LHFPL3: variants seen among roughly 807,000 people sequenced by gnomAD.
LHFPL3 encodes the protein LHFPL tetraspan subfamily member 3, also known as LHFPL tetraspan subfamily member 3 protein.
In LHFPL3, 5 loss-of-function variants were observed where a neutral mutation model predicts 19.3. The observed-to-expected ratio is 0.26, with a 90% CI of 0.14 to 0.54. The LOEUF is 0.54. Among genes scored for constraint, LHFPL3 ranks in the 20% least tolerant of loss-of-function variants. The pLI is 0.94. For missense variants in LHFPL3, 249 were observed against 307.4 expected (o/e 0.81, Z 1.42); for synonymous variants, 133 against 126.2 (o/e 1.05, Z -0.36).
chr7:104,390,738 A>G (rs1791049144), intron 1 of LHFPL3, among the ~76,000 whole-genome samples: 1 of 152,214 alleles, frequency 6.6e-6, no homozygotes, highest in South Asian at 2.1e-4. Flanking sequence ...TTCTAGTTCT[A>G]GATCCTTGAG....
At chr7:104,406,730 G>A (rs1004366023) in intron 1 of LHFPL3, among the ~76,000 whole-genome samples, 2 of 152,220 alleles carry the variant, frequency 1.3e-5, no homozygotes, top group Non-Finnish European at 2.9e-5. Flanking sequence ...GTGATTGACA[G>A]GGAAATGCAA....
At chr7:104,586,242 A>T (rs1790573606) in intron 1 of LHFPL3, among the ~76,000 whole-genome samples, 3 of 152,112 alleles carry the variant, frequency 2.0e-5, no homozygotes, top group Non-Finnish European at 1.5e-5. Flanking sequence ...GGAGTAAGAG[A>T]AAGAGGAGTT....
intron 2 of LHFPL3, among the ~76,000 whole-genome samples, chr7:104,868,059 G>C (rs1440522460): frequency 6.6e-6 from 1 of 152,086 alleles, no homozygotes; most frequent in Non-Finnish European, 1.5e-5. Flanking sequence ...CAATAAATTA[G>C]GTATTGATGG....
At chr7:104,820,606 C>G (rs537215425) in intron 2 of LHFPL3, among the ~76,000 whole-genome samples, 2 of 152,154 alleles carry the variant, frequency 1.3e-5, no homozygotes, top group African/African-American at 2.4e-5. Flanking sequence ...AGAGGCCCAC[C>G]ATGTACATAA....
At chr7:104,329,476 C>T (rs1036850955) in intron 1 of LHFPL3, among the ~76,000 whole-genome samples, 1 of 152,248 alleles carries the variant, frequency 6.6e-6, no homozygotes, top group African/African-American at 2.4e-5. Context: ...CTCAGAGGGA[C>T]GCCCCGGAGG....
At chr7:104,717,891 G>C (rs1793419259) in intron 1 of LHFPL3, among the ~76,000 whole-genome samples, 1 of 152,106 alleles carries the variant, frequency 6.6e-6, no homozygotes, top group Admixed American at 6.5e-5. Context: ...AACCAAGGTA[G>C]AGAAACCTAC....
intron 2 of LHFPL3, chr7:104,738,722 C>T (rs1267645956): frequency 6.6e-6 from 1 of 152,152 alleles, no homozygotes; most frequent in Non-Finnish European, 1.5e-5. Flanking sequence ...GAATAATGCT[C>T]AACAGTTTTC....
chr7:104,871,409 G>A (rs913215782), intron 2 of LHFPL3, among the ~76,000 whole-genome samples: 6 of 152,092 alleles, frequency 3.9e-5, no homozygotes, highest in African/African-American at 1.4e-4. Flanking sequence ...ACTCTGGGTG[G>A]GTCAGTGAGT....
At chr7:104,584,224 C>T (rs557357508) in intron 1 of LHFPL3, among the ~76,000 whole-genome samples, 44 of 151,928 alleles carry the variant, frequency 2.9e-4, no homozygotes, top group Admixed American at 5.2e-4. Context: ...AACCAAACAC[C>T]GCATGTTCTA....
At chr7:104,564,672 T>A (rs956812453) in intron 1 of LHFPL3, among the ~76,000 whole-genome samples, 1 of 152,184 alleles carries the variant, frequency 6.6e-6, no homozygotes, top group African/African-American at 2.4e-5. Context: ...ACTGAGGCAG[T>A]TGGATGTGAG....
intron 1 of LHFPL3, among the ~76,000 whole-genome samples, chr7:104,336,052 T>A (rs1311969594): frequency 6.6e-6 from 1 of 152,060 alleles, no homozygotes; most frequent in Non-Finnish European, 1.5e-5. Flanking sequence ...ACTGGACTAG[T>A]TTTAAAGTGT....
At chr7:104,536,737 C>T (rs1451920336) in intron 1 of LHFPL3, among the ~76,000 whole-genome samples, 5 of 152,142 alleles carry the variant, frequency 3.3e-5, no homozygotes, top group African/African-American at 1.2e-4. Flanking sequence ...TTTAGTTCCC[C>T]TCTAGAGCCT....
chr7:104,440,445 A>T (rs1411501444), intron 1 of LHFPL3, among the ~76,000 whole-genome samples: 1 of 151,636 alleles, frequency 6.6e-6, no homozygotes, highest in African/African-American at 2.4e-5. Context: ...GGATAGCATT[A>T]GGAGATATAC....
At chr7:104,847,330 G>A (rs968908531) in intron 2 of LHFPL3, among the ~76,000 whole-genome samples, 3 of 152,198 alleles carry the variant, frequency 2.0e-5, no homozygotes, top group African/African-American at 7.2e-5. Flanking sequence ...GAGGCAGTCA[G>A]AGAATAATTC....
chr7:104,359,482 CAA>C (rs1790349797), intron 1 of LHFPL3, among the ~76,000 whole-genome samples: 1 of 152,184 alleles, frequency 6.6e-6, no homozygotes, highest in Non-Finnish European at 1.5e-5. Context: ...CTGAATGACT[CAA>C]TAAATATGTA....
intron 2 of LHFPL3, among the ~76,000 whole-genome samples, chr7:104,744,381 A>G (rs1794001793): frequency 6.6e-6 from 1 of 152,190 alleles, no homozygotes; most frequent in Non-Finnish European, 1.5e-5. Context: ...TTGAATTAAA[A>G]CTTTCATAAG....
intron 1 of LHFPL3, among the ~76,000 whole-genome samples, chr7:104,554,454 A>G (rs1469953344): frequency 1.3e-5 from 2 of 152,138 alleles, no homozygotes; most frequent in African/African-American, 4.8e-5. Context: ...AGAGTATTAT[A>G]TAAACAAATA....
rs115187101 is a variant in LHFPL3, at chr7:104,566,113, C to T, written c.446-170562C>T. Among the ~76,000 whole-genome samples, 440 of 151,956 alleles carry T rather than the reference C, an allele frequency of 2.9e-3. 3 individuals carry two copies. The highest frequency in any genetic ancestry group is 0.01 in the African/African-American group (424 of 41,446). ...CTGTAATCCCAGCATTTTGGGAGGT[C>T]GGGGTGGGAGGCTTTTGGGCCCAGG... On this transcript the variant is annotated intron_variant, in intron 1 of 2. Coordinates refer to ENST00000424859, the MANE Select transcript of LHFPL3 (RefSeq NM_199000.3).
chr7:104,869,507 C>A (rs1332075030), intron 2 of LHFPL3, among the ~76,000 whole-genome samples: 1 of 151,956 alleles, frequency 6.6e-6, no homozygotes, highest in African/African-American at 2.4e-5. Context: ...TCATCACTGG[C>A]CATCAGAGAA....
Sources: allele counts gnomAD v4.1 joint callset (sites outside exome capture counted in the v4.1 genomes callset), GRCh38; gene constraint gnomAD v4.1.1; transcripts MANE v1.5; gene names NCBI Gene and HGNC (gene_info 2026-07-23, HGNC 2026-07-21).